The following CACNA1C variants were observed in gnomAD, a reference collection of about 807,000 sequenced individuals.
CACNA1C encodes the protein voltage-dependent L-type calcium channel subunit alpha-1C.
A neutral mutation model predicts 229.0 loss-of-function variants in CACNA1C; 30 were observed. The ratio of observed to expected loss-of-function variants is 0.13; its 90% CI spans 0.10 to 0.18. CACNA1C has a LOEUF of 0.18. Ranked by LOEUF, CACNA1C falls within the 10% of genes least tolerant of loss-of-function variation. The pLI, the probability that CACNA1C is intolerant of heterozygous loss-of-function variation, is 1.00. For missense variants in CACNA1C, 1,658 were observed against 2,845.0 expected (o/e 0.58, Z 9.49); for synonymous variants, 1,114 against 1,132.5 (o/e 0.98, Z 0.33).
chr12:2,342,745 T>C (rs2096901398), intron 3 of CACNA1C, among the ~76,000 whole-genome samples: 3 of 152,226 alleles, frequency 2.0e-5, no homozygotes, highest in African/African-American at 7.2e-5. Context: ...GATGATGTGT[T>C]GCTTCTGTTT....
chr12:2,617,277 T>C (rs2081127771), intron 29 of CACNA1C, among the ~76,000 whole-genome samples: 1 of 152,204 alleles, frequency 6.6e-6, no homozygotes, highest in South Asian at 2.1e-4. Flanking sequence ...CTCGGGACCC[T>C]GGAGGTCAAA....
At chr12:2,251,940 C>T (rs2075739765) in intron 3 of CACNA1C, among the ~76,000 whole-genome samples, 1 of 152,214 alleles carries the variant, frequency 6.6e-6, no homozygotes, top group African/African-American at 2.4e-5. Context: ...TGCAACTTGA[C>T]ACCATGAAAA....
At chr12:2,531,498 A>G (rs2099841009) in intron 9 of CACNA1C, among the ~76,000 whole-genome samples, 1 of 152,124 alleles carries the variant, frequency 6.6e-6, no homozygotes, top group Non-Finnish European at 1.5e-5. Flanking sequence ...CTGCATTCCA[A>G]TCCCCTTGAA....
At chr12:2,433,088 ACT>A (rs2099101679) in intron 3 of CACNA1C, among the ~76,000 whole-genome samples, 1 of 151,938 alleles carries the variant, frequency 6.6e-6, no homozygotes, top group South Asian at 2.1e-4. Flanking sequence ...TGTGCTGATG[ACT>A]CTGCACCATA....
At chr12:2,295,801 G>T (rs2093984785) in intron 3 of CACNA1C, among the ~76,000 whole-genome samples, 1 of 152,244 alleles carries the variant, frequency 6.6e-6, no homozygotes. Context: ...CATGTGGCTA[G>T]TAAGTGGCAA....
intron 1 of CACNA1C, among the ~76,000 whole-genome samples, chr12:2,003,924 C>T (rs2154480089): frequency 6.6e-6 from 1 of 152,302 alleles, no homozygotes; most frequent in South Asian, 2.1e-4. Flanking sequence ...GCCACAGATT[C>T]ACTGTAACAG....
At chr12:2,279,832 C>T (rs1281134766) in intron 3 of CACNA1C, among the ~76,000 whole-genome samples, 1 of 152,132 alleles carries the variant, frequency 6.6e-6, no homozygotes, top group Admixed American at 6.5e-5. Flanking sequence ...TGATTTAAAG[C>T]ATATGGAGGG....
intron 3 of CACNA1C, among the ~76,000 whole-genome samples, chr12:2,365,232 T>C (rs2097691643): frequency 1.3e-5 from 2 of 152,226 alleles, no homozygotes; most frequent in African/African-American, 2.4e-5. Flanking sequence ...GTAAGCTCGA[T>C]GTTAATTCCT....
intron 18 of CACNA1C, among the ~76,000 whole-genome samples, chr12:2,589,609 G>A (rs752474140): frequency 6.6e-6 from 1 of 152,096 alleles, no homozygotes. Flanking sequence ...CGGGAGGCTG[G>A]GTCTGATCCA....
At chr12:2,195,299 G>T (rs2097366992) in intron 3 of CACNA1C, among the ~76,000 whole-genome samples, 1 of 152,164 alleles carries the variant, frequency 6.6e-6, no homozygotes, top group Non-Finnish European at 1.5e-5. Context: ...TGGAAGGAGG[G>T]ATTCTTCCGC....
rs1160704913 is a variant in CACNA1C, at chr12:2,410,136, G to A, written c.478-38840G>A. 1.3e-5 allele frequency among the ~76,000 whole-genome samples: 2 copies of A among 152,192 alleles called. No homozygotes were observed. Among genetic ancestry groups the A allele is most frequent in the Non-Finnish European group, 2.9e-5 (2 of 68,032 alleles). On this transcript the variant is annotated intron_variant, in intron 3 of 46. Transcript: ENST00000399655. The surrounding 1 kb of genome is among the most constrained non-coding windows in gnomAD (Gnocchi z 5.3). ...TGCTTTTAGCTGTCAGCCTTGGATG[G>A]TGGGCTCATGCATTCTGTTCCCACT...
intron 3 of CACNA1C, among the ~76,000 whole-genome samples, chr12:2,263,199 G>C (rs747417478): frequency 1.1e-4 from 17 of 152,084 alleles, no homozygotes; most frequent in Non-Finnish European, 2.4e-4. Flanking sequence ...AGGAGGGCCA[G>C]GTGCAGAGGC....
At chr12:2,199,551 C>A (rs2097524912) in intron 3 of CACNA1C, among the ~76,000 whole-genome samples, 1 of 151,966 alleles carries the variant, frequency 6.6e-6, no homozygotes, top group African/African-American at 2.4e-5. Context: ...TGTTGGTGAG[C>A]CTTCTGGTCA....
chr12:2,162,627 G>A (rs1273431587), intron 3 of CACNA1C, among the ~76,000 whole-genome samples: 7 of 152,042 alleles, frequency 4.6e-5, no homozygotes, highest in East Asian at 3.9e-4. Context: ...AGGAAAGGAC[G>A]TGCCCCCGTG....
At position 2,691,416 on chromosome 12, in the gene CACNA1C, G is replaced by A; in HGVS notation, c.*217G>A. ...AGAGGCGGGGAGAGGAGGCGGCGAG[G>A]GTCCCGGGGCGCGAGGAAGGCGCCT... On this transcript the variant is annotated 3_prime_UTR_variant, in exon 47 of 47. Coordinates refer to ENST00000399655, the MANE Select transcript of CACNA1C (RefSeq NM_000719.7). 2 of 451,542 alleles carry A rather than the reference G, an allele frequency of 4.4e-6. No homozygotes were observed. The highest frequency in any genetic ancestry group is 2.0e-5 in the African/African-American group (1 of 49,422). The allele number at this position is 451,542 out of a possible 1,614,324, so 28.0% of individuals were successfully genotyped here.
chr12:2,592,941 G>C (rs1568637126), intron 18 of CACNA1C, among the ~76,000 whole-genome samples: 1 of 151,988 alleles, frequency 6.6e-6, no homozygotes, highest in South Asian at 2.1e-4. Context: ...CCCAGAACTA[G>C]GGGGTTTCCT....
intron 5 of CACNA1C, among the ~76,000 whole-genome samples, chr12:2,484,030 A>G (rs779599407): frequency 2.0e-4 from 31 of 152,242 alleles, no homozygotes; most frequent in Admixed American, 1.3e-3. Context: ...GCCAGGCCTT[A>G]GCAACAAAAT....
At chr12:2,431,685 G>A (rs1039049570) in intron 3 of CACNA1C, among the ~76,000 whole-genome samples, 2 of 152,158 alleles carry the variant, frequency 1.3e-5, no homozygotes, top group Non-Finnish European at 2.9e-5. Context: ...ACAGGACCTG[G>A]CATGCAGCAA....
At chr12:2,344,504 T>C (rs2154523166) in intron 3 of CACNA1C, among the ~76,000 whole-genome samples, 2 of 152,272 alleles carry the variant, frequency 1.3e-5, no homozygotes, top group South Asian at 2.1e-4. Flanking sequence ...CAAGCAACTC[T>C]TTTTAAAACA....
Sources: gnomAD v4.1 joint callset for allele counts (sites outside exome capture counted in the v4.1 genomes callset) on GRCh38, gnomAD v4.1.1 for gene constraint, Gnocchi (gnomAD v3.1) non-coding constraint, MANE v1.5 for transcripts, NCBI Gene and HGNC (gene_info 2026-07-23, HGNC 2026-07-21) for gene names.